SIN3B: variants seen among roughly 807,000 people sequenced by gnomAD.
SIN3B encodes the protein SIN3 transcription regulator family member B, also known as paired amphipathic helix protein Sin3b.
A neutral mutation model predicts 120.2 loss-of-function variants in SIN3B; 19 were observed. The observed-to-expected ratio is 0.16, with a 90% CI of 0.11 to 0.23. The LOEUF (loss-of-function observed/expected upper bound fraction) is 0.23. SIN3B is among the 10% of genes least tolerant of loss of function. The pLI, the probability that SIN3B is intolerant of heterozygous loss-of-function variation, is 1.00. For missense variants in SIN3B, 1,073 were observed against 1,573.0 expected (o/e 0.68, Z 5.38); for synonymous variants, 654 against 653.2 (o/e 1.00, Z -0.02).
rs1399544441 is a variant in SIN3B at position 16,878,384 on chromosome 19, C to A, written c.3156C>A (p.Ala1052=). The change falls in exon 18 of 19, where the codon GCC becomes GCA. Residue 1052 remains alanine (A), a synonymous_variant. Transcript: ENST00000248054. ...ACCGTCGCGGGACCCTCTGCCGGGC[C>A]AAGCAGGTGCCAGGGGAGGCCTGGG... The part of the protein sequence containing the change: ...YMYRRGTLCR[A]KQVQPLVLLR... 1 of 1,611,158 alleles carries A rather than the reference C, an allele frequency of 6.2e-7. No homozygotes were observed. Among genetic ancestry groups the A allele is most frequent in the South Asian group, 1.1e-5 (1 of 90,674 alleles).
At chr19:16,851,619 G>T in intron 6 of SIN3B, 85 bp downstream of exon 6, 1 of 1,471,454 alleles carries the variant, frequency 6.8e-7, no homozygotes, top group Non-Finnish European at 9.0e-7. Flanking sequence ...GGGAACAGAG[G>T]CCCCAGCAGG....
At chr19:16,854,753 C>CCCA (rs1337701728) in intron 8 of SIN3B, 1 of 152,538 alleles carries the variant, frequency 6.6e-6, no homozygotes, top group East Asian at 1.9e-4. Flanking sequence ...GGGTGGGTGC[C>CCCA]CCACTGGTGC....
At chr19:16,873,245 G>T (rs113276982) in intron 14 of SIN3B, among the ~76,000 whole-genome samples, 3 of 152,096 alleles carry the variant, frequency 2.0e-5, no homozygotes, top group African/African-American at 7.2e-5. Flanking sequence ...GCCTGTTTCC[G>T]TTGCGTCTGC....
intron 8 of SIN3B, among the ~76,000 whole-genome samples, chr19:16,858,026 G>A (rs572306828): frequency 2.4e-4 from 36 of 152,188 alleles, no homozygotes; most frequent in Non-Finnish European, 5.0e-4. Context: ...ACAGGTGCCT[G>A]TGACCACACC....
intron 8 of SIN3B, among the ~76,000 whole-genome samples, chr19:16,858,136 C>T (rs1445008367): frequency 6.6e-6 from 1 of 152,194 alleles, no homozygotes; most frequent in African/African-American, 2.4e-5. Context: ...CTCAGCCTCT[C>T]AAAATGCTGG....
At chr19:16,861,475 T>C (rs915869412) in intron 8 of SIN3B, among the ~76,000 whole-genome samples, 1 of 151,982 alleles carries the variant, frequency 6.6e-6, no homozygotes, top group Non-Finnish European at 1.5e-5. Context: ...AAAAAATTTT[T>C]AAATTGGCCC....
In SIN3B at chr19:16,863,730, G is replaced by A. The variant is rs12461731; in HGVS notation, c.1317G>A (p.Thr439=). The A allele has an allele frequency of 6.5e-3, 10,485 of 1,614,158 alleles. 685 individuals are homozygous for A. The Admixed American group carries it at 0.13, about 20-fold the overall frequency. ...TCCCTTCCTGGTCTGAGGACTCCAC[G>A]TTCGTCAGCTCCAAGAAGACACCGT... ...VSFPSWSEDS[T]FVSSKKTPYE... Residue 439 remains threonine (T), a synonymous_variant, in exon 10 of 19, where the codon ACG becomes ACA. Coordinates refer to ENST00000248054, the MANE Select transcript of SIN3B (RefSeq NM_001297595.2).
In SIN3B at chr19:16,851,466, A is replaced by G. The variant is rs754803648; in HGVS notation, c.781A>G (p.Lys261Glu). Residue 261 changes from lysine to glutamate, a missense_variant, in exon 6 of 19, where the codon AAG (lysine) becomes GAG (glutamate). Transcript: ENST00000248054. Reference protein sequence around the residue: ...MHSVQKNEHDKTPEHSRKRSR... With the variant: ...MHSVQKNEHDETPEHSRKRSR... Reference sequence around the variant, plus strand: ...CAGCGTGCAGAAGAACGAGCACGACAAGACCCCGGAGCACAGCAGGAAGCG... The same window carrying G: ...CAGCGTGCAGAAGAACGAGCACGACGAGACCCCGGAGCACAGCAGGAAGCG... 8 of 1,610,362 alleles carry G rather than the reference A, an allele frequency of 5.0e-6. No individual in the cohort carries two copies. Among genetic ancestry groups the G allele is most frequent in the Non-Finnish European group, 5.1e-6 (6 of 1,178,574 alleles).
intron 2 of SIN3B, among the ~76,000 whole-genome samples, chr19:16,831,064 CT>C (rs34911805): frequency 2.6e-3 from 352 of 137,974 alleles, no homozygotes; most frequent in East Asian, 2.7e-3. Flanking sequence ...CATGGGGGCA[CT>C]TTTTTTTTTT....
intron 14 of SIN3B, 135 bp from the exon 15 acceptor site, chr19:16,875,920 T>G: frequency 9.2e-7 from 1 of 1,084,222 alleles, no homozygotes; most frequent in South Asian, 1.6e-5. Flanking sequence ...CCTGTCAGGA[T>G]TCTGGTCTCT....
chr19:16,876,600 G>A lies in SIN3B; in HGVS notation c.2859+22G>A, dbSNP rs766705528. Reference sequence around the variant, plus strand: ...CCAGGTGAGGCCCTGGCCCCAGTCTGTGCCACGCATACCAGGGAGCGCCTG... The same window carrying A: ...CCAGGTGAGGCCCTGGCCCCAGTCTATGCCACGCATACCAGGGAGCGCCTG... On this transcript the variant is annotated intron_variant, in intron 16 of 18. Coordinates refer to ENST00000248054, the MANE Select transcript of SIN3B (RefSeq NM_001297595.2). This position sits in a 1 kb window ranked among gnomAD's most constrained non-coding sequence, Gnocchi z 7.1. 15 of 1,593,142 alleles carry A rather than the reference G, an allele frequency of 9.4e-6. No homozygotes were observed. Among genetic ancestry groups the A allele is most frequent in the Non-Finnish European group, 1.7e-6 (2 of 1,163,110 alleles).
At chr19:16,871,123 TTGGGCCCCA>T in intron 13 of SIN3B, 97 bp from the exon 14 acceptor site, 1 of 1,407,430 alleles carries the variant, frequency 7.1e-7, no homozygotes, top group South Asian at 1.2e-5. Flanking sequence ...GTGAGGGCTG[TTGGGCCCCA>T]TGGGGGCATT....
At chr19:16,873,055 T>C (rs560115284) in intron 14 of SIN3B, among the ~76,000 whole-genome samples, 1 of 152,030 alleles carries the variant, frequency 6.6e-6, no homozygotes, top group South Asian at 2.1e-4. Flanking sequence ...CTCGTACCAG[T>C]GCTGTGCGAG....
intron 3 of SIN3B, among the ~76,000 whole-genome samples, chr19:16,837,635 C>T (rs980484893): frequency 2.0e-5 from 3 of 151,274 alleles, no homozygotes; most frequent in East Asian, 1.9e-4. Flanking sequence ...AGGGATCCCC[C>T]GAGTGATGGG....
At chr19:16,860,754 A>G (rs1971677170) in intron 8 of SIN3B, among the ~76,000 whole-genome samples, 1 of 151,834 alleles carries the variant, frequency 6.6e-6, no homozygotes, top group Non-Finnish European at 1.5e-5. Context: ...GGCGCCCGCC[A>G]CCACGCCCAG....
chr19:16,830,409 G>A (rs1042005780), intron 2 of SIN3B, among the ~76,000 whole-genome samples: 1 of 152,122 alleles, frequency 6.6e-6, no homozygotes. Context: ...CACAGAAAAC[G>A]TTTAAAACAC....
chr19:16,875,012 TTGGTTTGGTC>T (rs1238271464), intron 14 of SIN3B, among the ~76,000 whole-genome samples: 15 of 151,718 alleles, frequency 9.9e-5, no homozygotes, highest in South Asian at 4.2e-4. Flanking sequence ...TGGTTAGGTT[TTGGTTTGGTC>T]TGGTTTGGTC....
intron 5 of SIN3B, among the ~76,000 whole-genome samples, chr19:16,851,154 C>A (rs1971539771): frequency 6.6e-6 from 1 of 152,252 alleles, no homozygotes; most frequent in East Asian, 1.9e-4. Context: ...AACCCCCAGC[C>A]CTTCTCCCTC....
chr19:16,858,959 A>AC (rs1322033991), intron 8 of SIN3B, among the ~76,000 whole-genome samples: 1 of 151,682 alleles, frequency 6.6e-6, no homozygotes, highest in Admixed American at 6.6e-5. Flanking sequence ...AAAAACGAAA[A>AC]CAAAAAAAAA....
Sources: gnomAD v4.1 joint callset for allele counts (sites outside exome capture counted in the v4.1 genomes callset) on GRCh38, gnomAD v4.1.1 for gene constraint, Gnocchi (gnomAD v3.1) non-coding constraint, MANE v1.5 for transcripts, NCBI Gene and HGNC (gene_info 2026-07-23, HGNC 2026-07-21) for gene names.